PRKD1: variants seen among roughly 807,000 people sequenced by gnomAD.
PRKD1 encodes serine/threonine-protein kinase D1.
PRKD1 carries 63 observed loss-of-function variants against 95.9 expected under a neutral mutation model. That is an observed-to-expected ratio of 0.66 (90% CI 0.54 to 0.81). PRKD1 has a LOEUF of 0.81. PRKD1 is among the 30% of genes least tolerant of loss of function. The pLI is 0.00. For synonymous variants in PRKD1, 425 were observed against 423.1 expected (o/e 1.00, Z -0.05); for missense variants, 1,048 against 1,165.3 (o/e 0.90, Z 1.47).
At position 29,624,235 on chromosome 14, in the gene PRKD1, C is replaced by A. The variant is rs1879466261; in HGVS notation, c.1822G>T (p.Asp608Tyr). 6.2e-7 allele frequency: 1 copy of A among 1,601,728 alleles called. No homozygotes were observed. The highest frequency in any genetic ancestry group is 8.5e-7 in the Non-Finnish European group (1 of 1,173,864). ...TTGTCAATGATTTTAATAGCTACATCTCTTCCTGTTTTACGATGTTTTCCT... is the reference window on the plus strand; with the variant it reads ...TTGTCAATGATTTTAATAGCTACATATCTTCCTGTTTTACGATGTTTTCCT... ...YGGKHRKTGR[D>Y]VAIKIIDKLR... is the part of the protein sequence containing the mutation. The change falls in exon 13 of 18, where the codon GAT becomes TAT. Residue 608 changes from aspartate to tyrosine, a missense_variant. Asp to Tyr is a radical substitution (Grantham distance 160). Transcript: ENST00000331968.
chr14:29,766,874 T>C (rs945625571), intron 1 of PRKD1, among the ~76,000 whole-genome samples: 15 of 152,204 alleles, frequency 9.9e-5, no homozygotes, highest in African/African-American at 3.6e-4. Flanking sequence ...GGAGGCACTC[T>C]GGTGTCACTC....
intron 1 of PRKD1, among the ~76,000 whole-genome samples, chr14:29,795,399 A>T (rs1889769433): frequency 6.6e-6 from 1 of 152,060 alleles, no homozygotes; most frequent in Non-Finnish European, 1.5e-5. Context: ...CTGTATTCTT[A>T]CCTCAATTTT....
intron 1 of PRKD1, among the ~76,000 whole-genome samples, chr14:29,857,699 A>G (rs1892559261): frequency 6.6e-6 from 1 of 152,226 alleles, no homozygotes; most frequent in Non-Finnish European, 1.5e-5. Context: ...CTAGAATGCC[A>G]CAAAGCACTT....
intron 1 of PRKD1, among the ~76,000 whole-genome samples, chr14:29,826,941 T>C (rs1891221284): frequency 7.3e-6 from 1 of 137,162 alleles, no homozygotes. Context: ...TTGGATGGGA[T>C]TGGAGACTAT....
At chr14:29,909,562 T>A (rs998790737) in intron 1 of PRKD1, among the ~76,000 whole-genome samples, 5 of 152,156 alleles carry the variant, frequency 3.3e-5, no homozygotes, top group African/African-American at 1.2e-4. Flanking sequence ...GCTCAAGGTT[T>A]GTGAATGCAC....
At chr14:29,820,250 A>G (rs1404764892) in intron 1 of PRKD1, among the ~76,000 whole-genome samples, 1 of 152,220 alleles carries the variant, frequency 6.6e-6, no homozygotes, top group Non-Finnish European at 1.5e-5. Flanking sequence ...AATGCCTACT[A>G]TGTGCAGGCA....
At chr14:29,906,885 T>C (rs931442949) in intron 1 of PRKD1, among the ~76,000 whole-genome samples, 3 of 152,254 alleles carry the variant, frequency 2.0e-5, no homozygotes, top group African/African-American at 7.2e-5. Flanking sequence ...CCAAAGACTT[T>C]ATTGTTTCCT....
At chr14:29,889,147 T>A (rs1893847145) in intron 1 of PRKD1, among the ~76,000 whole-genome samples, 1 of 152,192 alleles carries the variant, frequency 6.6e-6, no homozygotes, top group Admixed American at 6.5e-5. Flanking sequence ...TATTTGGATA[T>A]AAGCGTCTAA....
intron 2 of PRKD1, among the ~76,000 whole-genome samples, chr14:29,684,399 T>C (rs1490905489): frequency 2.0e-5 from 3 of 152,204 alleles, no homozygotes; most frequent in African/African-American, 7.2e-5. Context: ...CATTTAGTTA[T>C]ATGTCATGTC....
intron 1 of PRKD1, among the ~76,000 whole-genome samples, chr14:29,801,830 A>G (rs1890044871): frequency 6.6e-6 from 1 of 152,162 alleles, no homozygotes; most frequent in Non-Finnish European, 1.5e-5. Flanking sequence ...CTGGGATCAC[A>G]GGCATGCGCC....
At chr14:29,738,091 A>G (rs1285210107) in intron 1 of PRKD1, among the ~76,000 whole-genome samples, 2 of 152,210 alleles carry the variant, frequency 1.3e-5, no homozygotes, top group Non-Finnish European at 2.9e-5. Flanking sequence ...AATGAAAGGA[A>G]GAAAAGAGAA....
intron 1 of PRKD1, among the ~76,000 whole-genome samples, chr14:29,835,015 T>C (rs1310125482): frequency 6.6e-6 from 1 of 152,170 alleles, no homozygotes. Context: ...CGGAACTAAC[T>C]TGTCCTTCCA....
At chr14:29,587,839 C>T (rs1892989271) in intron 16 of PRKD1, among the ~76,000 whole-genome samples, 2 of 152,128 alleles carry the variant, frequency 1.3e-5, no homozygotes, top group South Asian at 4.1e-4. Context: ...TAAAATTAAA[C>T]ATAATTAATT....
intron 16 of PRKD1, among the ~76,000 whole-genome samples, chr14:29,582,773 T>C (rs537757096): frequency 6.6e-6 from 1 of 152,112 alleles, no homozygotes; most frequent in Non-Finnish European, 1.5e-5. Flanking sequence ...GGGTCTGGAG[T>C]CCAGTTCCAA....
chr14:29,640,880 T>C (rs1880714370), intron 4 of PRKD1, among the ~76,000 whole-genome samples: 2 of 152,174 alleles, frequency 1.3e-5, no homozygotes, highest in African/African-American at 2.4e-5. Context: ...AGATACCTAA[T>C]TGTAGGCTGT....
chr14:29,856,487 A>G (rs1953209), intron 1 of PRKD1, among the ~76,000 whole-genome samples: 74,161 of 152,030 alleles, frequency 0.49, 21,883 homozygotes, highest in African/African-American at 0.84. Flanking sequence ...TAAACAATCA[A>G]TGAAAGTGTC....
At chr14:29,602,972 T>C (rs998391748) in intron 13 of PRKD1, among the ~76,000 whole-genome samples, 14 of 152,214 alleles carry the variant, frequency 9.2e-5, no homozygotes, top group African/African-American at 2.9e-4. Flanking sequence ...AAATGTTCTC[T>C]AATAGCATCT....
chr14:29,832,266 T>C (rs1891440436), intron 1 of PRKD1, among the ~76,000 whole-genome samples: 1 of 152,192 alleles, frequency 6.6e-6, no homozygotes, highest in Admixed American at 6.5e-5. Flanking sequence ...CTTCTGTTGG[T>C]GGGTATATGA....
intron 2 of PRKD1, among the ~76,000 whole-genome samples, chr14:29,715,447 C>T (rs957589492): frequency 5.9e-5 from 9 of 151,952 alleles, no homozygotes; most frequent in African/African-American, 1.5e-4. Flanking sequence ...TGTACATAGT[C>T]GCATATGGTT....
Sources: gnomAD v4.1 joint callset for allele counts (sites outside exome capture counted in the v4.1 genomes callset) on GRCh38, gnomAD v4.1.1 for gene constraint, MANE v1.5 for transcripts, NCBI Gene and HGNC (gene_info 2026-07-23, HGNC 2026-07-21) for gene names.